The following UNC5C variants were observed in gnomAD, a reference collection of about 807,000 sequenced individuals.
UNC5C encodes the protein unc-5 netrin receptor C, also known as netrin receptor UNC5C.
A neutral mutation model predicts 99.8 loss-of-function variants in UNC5C; 47 were observed. The observed-to-expected ratio is 0.47, with a 90% CI of 0.37 to 0.60. The LOEUF is 0.60. Ranked by LOEUF, UNC5C falls within the 20% of genes least tolerant of loss-of-function variation. The pLI is 0.00. For synonymous variants in UNC5C, 487 were observed against 452.2 expected (o/e 1.08, Z -0.98); for missense variants, 1,062 against 1,165.9 (o/e 0.91, Z 1.30).
At chr4:95,537,000 A>G (rs1332066216) in intron 1 of UNC5C, among the ~76,000 whole-genome samples, 1 of 152,224 alleles carries the variant, frequency 6.6e-6, no homozygotes, top group African/African-American at 2.4e-5. Context: ...TAAGAAATGC[A>G]TGTATGAAAA....
intron 1 of UNC5C, among the ~76,000 whole-genome samples, chr4:95,360,042 A>C (rs889107218): frequency 6.6e-6 from 1 of 152,100 alleles, no homozygotes; most frequent in Admixed American, 6.6e-5. Flanking sequence ...CAAATACTCA[A>C]TACATAGACT....
At chr4:95,489,936 A>G (rs1033337719) in intron 1 of UNC5C, among the ~76,000 whole-genome samples, 5 of 151,720 alleles carry the variant, frequency 3.3e-5, no homozygotes, top group African/African-American at 7.3e-5. Flanking sequence ...TCATTAGCAT[A>G]TAAGTCAAAT....
intron 3 of UNC5C, among the ~76,000 whole-genome samples, chr4:95,293,516 T>C (rs112118415): frequency 0.058 from 8,777 of 151,904 alleles, 784 homozygotes; most frequent in African/African-American, 0.2. Context: ...GACAAGGTCT[T>C]GCTATGTTGC....
intron 1 of UNC5C, among the ~76,000 whole-genome samples, chr4:95,389,766 C>T (rs1473448491): frequency 6.6e-6 from 1 of 151,720 alleles, no homozygotes; most frequent in African/African-American, 2.4e-5. Flanking sequence ...ATAAAATAGA[C>T]ACTGAATTTC....
At chr4:95,409,301 TC>T (rs942472543) in intron 1 of UNC5C, among the ~76,000 whole-genome samples, 18 of 152,304 alleles carry the variant, frequency 1.2e-4, no homozygotes, top group Admixed American at 4.6e-4. Context: ...GACTCAGGAC[TC>T]TTGTATTTCC....
chr4:95,180,812 G>C (rs1256337166), intron 14 of UNC5C, among the ~76,000 whole-genome samples: 2 of 152,186 alleles, frequency 1.3e-5, no homozygotes. Flanking sequence ...GGGAACCCCA[G>C]CCTCATTGCC....
At chr4:95,483,117 T>C (rs1721218872) in intron 1 of UNC5C, among the ~76,000 whole-genome samples, 3 of 150,778 alleles carry the variant, frequency 2.0e-5, no homozygotes, top group African/African-American at 7.3e-5. Context: ...CTGCTAATCG[T>C]ATATGCCTGG....
At chr4:95,177,733 T>A (rs1736428177) in intron 14 of UNC5C, among the ~76,000 whole-genome samples, 1 of 152,072 alleles carries the variant, frequency 6.6e-6, no homozygotes, top group Non-Finnish European at 1.5e-5. Flanking sequence ...ATTTGACACT[T>A]CTCTGTCACC....
chr4:95,177,820 G>T (rs567326591), intron 14 of UNC5C, among the ~76,000 whole-genome samples: 1 of 151,826 alleles, frequency 6.6e-6, no homozygotes, highest in East Asian at 1.9e-4. Flanking sequence ...TCCCACCTCA[G>T]TCTCCCAAAT....
At position 95,278,418 on chromosome 4, in the gene UNC5C, A is replaced by G. The variant is rs867193435; in HGVS notation, c.491-56T>C. ...AAAATTAAACAACATTTTCTCATTT[A>G]CAGAGAGTACAAAAAATTTTCTGGC... On this transcript the variant is annotated intron_variant, in intron 3 of 15. Transcript: ENST00000453304. The G allele has an allele frequency of 9.8e-6, 14 of 1,431,156 alleles. No individual in the cohort carries two copies. The Middle Eastern group carries it at 2.3e-3, about 234-fold the overall frequency. The allele number at this position is 1,431,156 out of a possible 1,614,324, so 88.7% of individuals were successfully genotyped here.
chr4:95,495,127 A>G (rs1005061958), intron 1 of UNC5C, among the ~76,000 whole-genome samples: 3 of 151,422 alleles, frequency 2.0e-5, no homozygotes, highest in Non-Finnish European at 4.4e-5. Context: ...ATCTACATTA[A>G]TTTTTCTCAT....
intron 1 of UNC5C, among the ~76,000 whole-genome samples, chr4:95,512,985 C>A (rs1315015765): frequency 6.6e-6 from 1 of 152,160 alleles, no homozygotes; most frequent in Non-Finnish European, 1.5e-5. Context: ...GCATTACCGC[C>A]TGCAAAGATG....
intron 2 of UNC5C, among the ~76,000 whole-genome samples, chr4:95,311,292 TA>T (rs1236306369): frequency 1.3e-5 from 2 of 152,036 alleles, no homozygotes; most frequent in African/African-American, 4.8e-5. Context: ...TTCTTTGGAA[TA>T]TAAAAAAAAC....
chr4:95,528,822 G>T (rs754233476), intron 1 of UNC5C, among the ~76,000 whole-genome samples: 1 of 152,116 alleles, frequency 6.6e-6, no homozygotes, highest in Non-Finnish European at 1.5e-5. Context: ...GAAGAAAATG[G>T]AAAGAGGCGA....
chr4:95,296,796 T>C (rs940095844), intron 3 of UNC5C, among the ~76,000 whole-genome samples: 4 of 152,226 alleles, frequency 2.6e-5, no homozygotes, highest in African/African-American at 4.8e-5. Flanking sequence ...ATTAAATCTT[T>C]GACTGAAACA....
chr4:95,535,892 A>G (rs1260095829), intron 1 of UNC5C, among the ~76,000 whole-genome samples: 1 of 151,896 alleles, frequency 6.6e-6, no homozygotes, highest in Non-Finnish European at 1.5e-5. Context: ...ATTGAGCTGG[A>G]AAAAAAGAGA....
chr4:95,323,979 T>C (rs901617194), intron 2 of UNC5C, among the ~76,000 whole-genome samples: 1 of 152,040 alleles, frequency 6.6e-6, no homozygotes, highest in Non-Finnish European at 1.5e-5. Flanking sequence ...GAGGTTGCAG[T>C]GAGCCGAGAT....
At chr4:95,428,070 G>GT (rs1746532829) in intron 1 of UNC5C, among the ~76,000 whole-genome samples, 2 of 149,500 alleles carry the variant, frequency 1.3e-5, no homozygotes, top group African/African-American at 2.5e-5. Flanking sequence ...AGGGCTTAGG[G>GT]TTTTGTTTTT....
intron 7 of UNC5C, chr4:95,222,165 G>A (rs998974156): frequency 1.3e-5 from 18 of 1,397,108 alleles, no homozygotes; most frequent in East Asian, 1.0e-4. Flanking sequence ...GGGCAATAAC[G>A]TTAAATGATT....
Sources: gnomAD v4.1 joint callset for allele counts (sites outside exome capture counted in the v4.1 genomes callset) on GRCh38, gnomAD v4.1.1 for gene constraint, MANE v1.5 for transcripts, NCBI Gene and HGNC (gene_info 2026-07-23, HGNC 2026-07-21) for gene names.